Variants in FAN1 observed in about 807,000 individuals in gnomAD.
FAN1 encodes FANCD2 and FANCI associated nuclease 1.
FAN1 carries 91 observed loss-of-function variants against 104.9 expected under a neutral mutation model. That is an observed-to-expected ratio of 0.87 (90% confidence interval 0.73 to 1.03). FAN1 has a LOEUF of 1.03. Among genes scored for constraint, FAN1 ranks in the 50% least tolerant of loss-of-function variants. The pLI is 0.00. For synonymous variants in FAN1, 478 were observed against 457.6 expected, an observed-to-expected ratio of 1.04 and a Z score of -0.57; for missense variants, 1,263 against 1,239.9, an observed-to-expected ratio of 1.02 and a Z score of -0.28.
intron 13 of FAN1, among the ~76,000 whole-genome samples, chr15:30,935,590 G>A (rs1225305169): frequency 8.0e-6 from 1 of 125,272 alleles, no homozygotes; most frequent in East Asian, 2.4e-4. Context: ...ATGCAGATGC[G>A]ATGCCATTTT....
intron 4 of FAN1, among the ~76,000 whole-genome samples, 167 bp from the exon 5 acceptor site, chr15:30,913,691 C>G (rs2062143520): frequency 6.6e-6 from 1 of 152,180 alleles, no homozygotes. Flanking sequence ...TTCATTTACT[C>G]CTGTGTATCC....
intron 2 of FAN1, among the ~76,000 whole-genome samples, chr15:30,907,621 A>G (rs2062012393): frequency 6.6e-6 from 1 of 152,356 alleles, no homozygotes. Flanking sequence ...GAAGAAAGGA[A>G]AATAAATGTT....
At position 30,908,136 on chromosome 15, in the gene FAN1, A is replaced by T; in HGVS notation, c.1253A>T (p.Tyr418Phe). ...YQLSATGQKLYVRLFQRKLSW... is the reference protein window; with the variant it reads ...YQLSATGQKLFVRLFQRKLSW... ...ATTGCAGCTACTGGTCAGAAGTTAT[A>T]TGTAAGGCTCTTTCAACGTAAATTA... Residue 418 changes from tyrosine to phenylalanine, a missense_variant, in exon 3 of 15, where the codon TAT (tyrosine) becomes TTT (phenylalanine). Transcript: ENST00000362065. 1 of 1,610,122 alleles carries T rather than the reference A, an allele frequency of 6.2e-7. No homozygotes were observed. The highest frequency in any genetic ancestry group is 8.5e-7 in the Non-Finnish European group (1 of 1,178,626).
intron 12 of FAN1, among the ~76,000 whole-genome samples, chr15:30,929,884 TATATC>T (rs2062639682): frequency 1.1e-5 from 1 of 87,262 alleles, no homozygotes; most frequent in Non-Finnish European, 2.0e-5. Flanking sequence ...ATATATAATA[TATATC>T]ATATATAATA....
chr15:30,925,186 T>C lies in FAN1; in HGVS notation c.2232T>C (p.Leu744=). The C allele has an allele frequency of 6.2e-7, 1 of 1,614,092 alleles. No individual in the cohort carries two copies. Among genetic ancestry groups the C allele is most frequent in the Non-Finnish European group, 8.5e-7 (1 of 1,180,024 alleles). Residue 744 remains leucine, a synonymous_variant, in exon 9 of 15, where the codon CTT becomes CTC. Transcript: ENST00000362065. ...CGGAAGTCAGAACGGGACACCGCCT[T>C]TCACTGTATCAGCGAGCCGTGCGCC... The part of the protein sequence containing the change: ...ADPEVRTGHR[L]SLYQRAVRLR...
intron 2 of FAN1, 76 bp from the exon 3 acceptor site, chr15:30,908,042 A>G (rs1316523192): frequency 7.8e-7 from 1 of 1,283,928 alleles, no homozygotes; most frequent in East Asian, 2.4e-5. Context: ...GTGTATTTCT[A>G]AATCGTACAT....
At chr15:30,921,904 GA>G (rs2062340712) in intron 7 of FAN1, among the ~76,000 whole-genome samples, 1 of 152,188 alleles carries the variant, frequency 6.6e-6, no homozygotes, top group African/African-American at 2.4e-5. Flanking sequence ...TGCCAACTGT[GA>G]CCAGTGCTCA....
intron 2 of FAN1, among the ~76,000 whole-genome samples, chr15:30,907,589 A>G (rs527666545): frequency 5.9e-5 from 9 of 152,316 alleles, no homozygotes; most frequent in Non-Finnish European, 1.5e-5. Context: ...CCATCATGAC[A>G]GGTCAATTTT....
In FAN1 at chr15:30,932,617, C is replaced by G. The variant is rs188967611; in HGVS notation, c.2916+1946C>G. 1.0e-3 allele frequency among the ~76,000 whole-genome samples: 152 copies of G among 152,086 alleles called. 1 individual carries two copies. Among genetic ancestry groups the G allele is most frequent in the African/African-American group, 3.3e-3 (137 of 41,478 alleles). Reference sequence around the variant, plus strand: ...AACAACATAAGGCTGTTCATATTATCTGTTTCTTCTTGATTGCGCTTTGCT... The same window carrying G: ...AACAACATAAGGCTGTTCATATTATGTGTTTCTTCTTGATTGCGCTTTGCT... On this transcript the variant is annotated intron_variant, in intron 13 of 14. Coordinates refer to ENST00000362065, the MANE Select transcript of FAN1 (RefSeq NM_014967.5).
In FAN1 at chr15:30,942,145, T is replaced by C. The variant is rs1595904029; in HGVS notation, c.*583T>C. ...AGATTGAAGGATGCAATGGCAAATA[T>C]AAACTCAATACTATGAAAAATTAAT... is the stretch of plus-strand genomic sequence containing the variant. On this transcript the variant is annotated 3_prime_UTR_variant, in exon 15 of 15. Transcript: ENST00000362065. The C allele has an allele frequency of 9.5e-6, 14 of 1,471,572 alleles. No individual in the cohort carries two copies. The highest frequency in any genetic ancestry group is 5.3e-5 in the South Asian group (4 of 75,476). The allele number at this position is 1,471,572 out of a possible 1,614,324, so 91.2% of individuals were successfully genotyped here.
intron 13 of FAN1, among the ~76,000 whole-genome samples, chr15:30,934,028 C>T (rs924082667): frequency 2.6e-4 from 39 of 151,976 alleles, no homozygotes; most frequent in Non-Finnish European, 4.3e-4. Flanking sequence ...GAGAGTATAC[C>T]GTGCCCAGCC....
chr15:30,921,253 G>C (rs1194431411), intron 7 of FAN1, among the ~76,000 whole-genome samples: 2 of 152,164 alleles, frequency 1.3e-5, no homozygotes, highest in Admixed American at 6.5e-5. Context: ...ATCCTGGAGG[G>C]TGCCCCACAG....
At chr15:30,929,620 ATAT>A (rs985464842) in intron 12 of FAN1, among the ~76,000 whole-genome samples, 13 of 127,728 alleles carry the variant, frequency 1.0e-4, no homozygotes, top group Non-Finnish European at 1.7e-4. Flanking sequence ...TATATAATAT[ATAT>A]TATATATTAT....
intron 5 of FAN1, among the ~76,000 whole-genome samples, chr15:30,916,076 C>T (rs2062192646): frequency 6.6e-6 from 1 of 152,194 alleles, no homozygotes; most frequent in Non-Finnish European, 1.5e-5. Context: ...TCAGGAAGCT[C>T]AGTATCTTAT....
chr15:30,911,384 G>A, intron 4 of FAN1: 1 of 985,052 alleles, frequency 1.0e-6, no homozygotes. Context: ...GTGGAGTCGA[G>A]GATGAAATGA....
intron 8 of FAN1, among the ~76,000 whole-genome samples, chr15:30,922,665 G>A (rs1353253433): frequency 6.6e-6 from 1 of 152,202 alleles, no homozygotes; most frequent in Non-Finnish European, 1.5e-5. Context: ...TGACTCAGCC[G>A]TCAGCAAGTC....
In FAN1 at chr15:30,942,978, T is replaced by C. The variant is rs1278295282; in HGVS notation, c.*1416T>C. The C allele has an allele frequency of 2.6e-6, 4 of 1,555,140 alleles. No individual in the cohort carries two copies. The highest frequency in any genetic ancestry group is 4.8e-5 in the East Asian group (2 of 41,636). On this transcript the variant is annotated 3_prime_UTR_variant, in exon 15 of 15. Transcript: ENST00000362065. ...GAAGGGGTTATGGAAAAGGGTGCGA[T>C]CCTTTGCTGTAAACTGGAGAGACCA...
chr15:30,929,313 G>T lies in FAN1; in HGVS notation c.2703G>T (p.Trp901Cys), dbSNP rs1278069248. ...CCCCCGAGGAGAGCCTGCGGGCCTG[G>T]GTGGCAGCCACGTGGCATGAGCAGG... ...HDAPEESLRA[W>C]VAATWHEQEG... The change falls in exon 12 of 15, where the codon TGG becomes TGT. Residue 901 changes from tryptophan to cysteine, a missense_variant. This residue lies in a region of FAN1 where 581 missense variants were observed against 668.8 expected (regional missense o/e 0.87). Transcript: ENST00000362065. The T allele has an allele frequency of 6.2e-7, 1 of 1,612,562 alleles. No homozygotes were observed. Among genetic ancestry groups the T allele is most frequent in the Admixed American group, 1.7e-5 (1 of 59,802 alleles).
intron 13 of FAN1, among the ~76,000 whole-genome samples, chr15:30,936,004 A>T (rs2062841895): frequency 6.6e-6 from 1 of 151,090 alleles, no homozygotes. Context: ...ATTTTTGGCC[A>T]TTTTTTCTTT....
Sources: allele counts gnomAD v4.1 joint callset (sites outside exome capture counted in the v4.1 genomes callset), GRCh38; gene constraint gnomAD v4.1.1; regional missense constraint gnomAD v4.1.1; transcripts MANE v1.5; gene names NCBI Gene and HGNC (gene_info 2026-07-23, HGNC 2026-07-21).